CDH18: variants seen among roughly 807,000 people sequenced by gnomAD.
CDH18 encodes cadherin-18.
Under a neutral mutation model 67.9 loss-of-function variants are expected in CDH18, and 31 were observed. The observed-to-expected ratio is 0.46, with a 90% CI of 0.34 to 0.62. The LOEUF is 0.62. Ranked by LOEUF, CDH18 falls within the 20% of genes least tolerant of loss-of-function variation. The pLI is 0.01. For missense variants in CDH18, 890 were observed against 975.5 expected (o/e 0.91, Z 1.17); for synonymous variants, 362 against 347.2 (o/e 1.04, Z -0.48).
At chr5:19,989,479 G>A (rs188933416), upstream of CDH18, among the ~76,000 whole-genome samples, 1 of 152,078 alleles carries the variant, frequency 6.6e-6, no homozygotes, top group Non-Finnish European at 1.5e-5. Flanking sequence ...CCTTCTCTGA[G>A]CCTCAGGAGG....
intron 2 of CDH18, among the ~76,000 whole-genome samples, chr5:20,051,372 T>C (rs1169311045): frequency 3.9e-5 from 6 of 151,942 alleles, no homozygotes; most frequent in African/African-American, 1.2e-4. Context: ...GATACAGTCT[T>C]CTATAATATT....
intron 1 of CDH18, among the ~76,000 whole-genome samples, chr5:20,354,546 G>A (rs1741451270): frequency 6.6e-6 from 1 of 152,048 alleles, no homozygotes; most frequent in Admixed American, 6.5e-5. Context: ...GGGACTTCAG[G>A]TGTGCACCCC....
At chr5:20,487,902 A>G (rs1298690613) in intron 1 of CDH18, among the ~76,000 whole-genome samples, 1 of 152,022 alleles carries the variant, frequency 6.6e-6, no homozygotes, top group African/African-American at 2.4e-5. Context: ...GATTTCCTCA[A>G]CCACAATTCG....
chr5:19,945,878 A>G (rs1398074457), intron 2 of CDH18, among the ~76,000 whole-genome samples: 1 of 152,148 alleles, frequency 6.6e-6, no homozygotes, highest in Non-Finnish European at 1.5e-5. Context: ...TTTTGGGACA[A>G]CACAAAAAGA....
chr5:20,413,321 A>G (rs920416224), intron 1 of CDH18, among the ~76,000 whole-genome samples: 1 of 152,208 alleles, frequency 6.6e-6, no homozygotes, highest in Admixed American at 6.5e-5. Flanking sequence ...ATTTGGGTAT[A>G]TACCCAGTAA....
intron 1 of CDH18, among the ~76,000 whole-genome samples, chr5:20,466,184 T>C (rs948065130): frequency 2.6e-5 from 4 of 152,088 alleles, no homozygotes; most frequent in African/African-American, 7.2e-5. Context: ...TATAAACATT[T>C]AAAAATCTTC....
At chr5:19,956,643 TAAC>T (rs1164044420) in intron 2 of CDH18, among the ~76,000 whole-genome samples, 2 of 151,078 alleles carry the variant, frequency 1.3e-5, no homozygotes, top group African/African-American at 4.9e-5. Flanking sequence ...ATCAAATTGT[TAAC>T]AATATATCTA....
chr5:20,417,864 A>G (rs190808615), intron 1 of CDH18, among the ~76,000 whole-genome samples: 57 of 152,312 alleles, frequency 3.7e-4, no homozygotes, highest in African/African-American at 1.2e-3. Flanking sequence ...CCAAATAGTT[A>G]TAACATCATA....
At chr5:20,232,989 T>C (rs1216479010) in intron 2 of CDH18, among the ~76,000 whole-genome samples, 1 of 151,880 alleles carries the variant, frequency 6.6e-6, no homozygotes, top group Non-Finnish European at 1.5e-5. Flanking sequence ...TAGGTTGCAA[T>C]AACAATAAAG....
intron 2 of CDH18, among the ~76,000 whole-genome samples, chr5:19,966,186 T>C (rs1293600490): frequency 6.6e-6 from 1 of 152,188 alleles, no homozygotes; most frequent in East Asian, 1.9e-4. Context: ...TGGAGGTTAT[T>C]CATCATTAAA....
intron 1 of CDH18, among the ~76,000 whole-genome samples, chr5:20,561,175 G>T (rs1758187047): frequency 6.6e-6 from 1 of 152,070 alleles, no homozygotes; most frequent in African/African-American, 2.4e-5. Context: ...AAATTGCATA[G>T]CCATAGTGGA....
At chr5:19,867,000 A>G (rs1785622426) in intron 2 of CDH18, among the ~76,000 whole-genome samples, 1 of 152,090 alleles carries the variant, frequency 6.6e-6, no homozygotes, top group Admixed American at 6.5e-5. Flanking sequence ...TGAGGCAGAG[A>G]ATTGCTTGAA....
intron 2 of CDH18, among the ~76,000 whole-genome samples, chr5:19,915,236 G>A (rs868808681): frequency 3.3e-5 from 5 of 152,096 alleles, no homozygotes; most frequent in African/African-American, 4.8e-5. Context: ...TTCCCAGTTC[G>A]TTTCTCAGTT....
At chr5:20,543,896 T>C (rs1377018459) in intron 1 of CDH18, among the ~76,000 whole-genome samples, 3 of 152,202 alleles carry the variant, frequency 2.0e-5, no homozygotes, top group Admixed American at 6.5e-5. Context: ...TCAGAATTTT[T>C]CTGAGGAAAC....
At chr5:20,549,494 C>T (rs1055646873) in intron 1 of CDH18, among the ~76,000 whole-genome samples, 8 of 151,994 alleles carry the variant, frequency 5.3e-5, no homozygotes, top group Admixed American at 3.9e-4. Flanking sequence ...AGATTTACTA[C>T]AGTAGGTTAT....
At chr5:19,676,923 C>A (rs921401296) in intron 5 of CDH18, among the ~76,000 whole-genome samples, 3 of 152,036 alleles carry the variant, frequency 2.0e-5, no homozygotes, top group African/African-American at 7.2e-5. Context: ...GTTCTAAAGC[C>A]TTTTAAAATA....
At chr5:19,965,893 C>G (rs1030920938) in intron 2 of CDH18, among the ~76,000 whole-genome samples, 1 of 152,044 alleles carries the variant, frequency 6.6e-6, no homozygotes, top group Non-Finnish European at 1.5e-5. Context: ...TCTCTCCCAG[C>G]GACACTTACA....
At chr5:19,678,682 A>C (rs755747723) in intron 5 of CDH18, among the ~76,000 whole-genome samples, 3 of 151,920 alleles carry the variant, frequency 2.0e-5, no homozygotes, top group African/African-American at 7.2e-5. Context: ...TTCCATGCAC[A>C]CAACCTGTAA....
At chr5:20,094,561 C>T (rs1230254251) in intron 2 of CDH18, among the ~76,000 whole-genome samples, 1 of 152,120 alleles carries the variant, frequency 6.6e-6, no homozygotes, top group Non-Finnish European at 1.5e-5. Flanking sequence ...GGCAGTATAG[C>T]GATTTTCATG....
Sources: gnomAD v4.1 joint callset for allele counts (sites outside exome capture counted in the v4.1 genomes callset) on GRCh38, gnomAD v4.1.1 for gene constraint, MANE v1.5 for transcripts, NCBI Gene and HGNC (gene_info 2026-07-23, HGNC 2026-07-21) for gene names.